The following DMPK variants were observed in gnomAD, a reference collection of about 807,000 sequenced individuals.
DMPK encodes the protein myotonin-protein kinase.
DMPK carries 32 observed loss-of-function variants against 70.3 expected under a neutral mutation model. The ratio of observed to expected loss-of-function variants is 0.46; its 90% confidence interval spans 0.34 to 0.61. DMPK has a LOEUF of 0.61. DMPK is among the 20% of genes least tolerant of loss of function. The probability of loss-of-function intolerance (pLI) is 0.01; values close to 1 mark genes in which losing one functional copy is unlikely to be tolerated. For synonymous variants in DMPK, 469 were observed against 390.9 expected (o/e 1.20, Z -2.36); for missense variants, 899 against 886.0 (o/e 1.01, Z -0.19).
At chr19:45,778,959 T>C (rs1969946404) in intron 4 of DMPK, 1 of 574,040 alleles carries the variant, frequency 1.7e-6, no homozygotes, top group South Asian at 2.1e-5. Context: ...ACTCCTTCCC[T>C]AGGCAGTGGC....
chr19:45,775,072 G>A, intron 8 of DMPK, 38 bp from the exon 9 acceptor site: 1 of 1,549,854 alleles, frequency 6.5e-7, no homozygotes, highest in Non-Finnish European at 8.9e-7. Flanking sequence ...CAGTCGTCAG[G>A]GCGGGCCCCT....
At chr19:45,776,212 C>T (rs1318534077) in intron 8 of DMPK, among the ~76,000 whole-genome samples, 2 of 83,964 alleles carry the variant, frequency 2.4e-5, no homozygotes, top group African/African-American at 8.4e-5. Flanking sequence ...GGCACGATCT[C>T]GGCTCACTGC....
rs1405814711 is a variant in DMPK, at chr19:45,778,544, G to A, written c.530C>T (p.Ala177Val). The A allele has an allele frequency of 9.3e-6, 15 of 1,613,854 alleles. No individual in the cohort carries two copies. Among genetic ancestry groups the A allele is most frequent in the East Asian group, 2.2e-5 (1 of 44,892 alleles). ...IPAEMARFYL[A>V]EIVMAIDSVH... ...CGAGTCTATGGCCATGACAATCTCC[G>A]CCAGGTAGAAGCGCGCCATCTCGGC... The change falls in exon 5 of 15, where the codon GCG becomes GTG. Residue 177 changes from alanine (A) to valine (V), a missense_variant. Transcript: ENST00000291270.
intron 4 of DMPK, 79 bp downstream of exon 4, chr19:45,779,185 G>A: frequency 6.9e-7 from 1 of 1,455,356 alleles, no homozygotes; most frequent in Non-Finnish European, 9.6e-7. Context: ...CAATCCTAGA[G>A]CTTCCTCTCC....
In DMPK at chr19:45,782,215, G is replaced by A. The variant is rs773427732; in HGVS notation, c.138C>T (p.Tyr46=). 21 of 1,378,884 alleles carry A rather than the reference G, an allele frequency of 1.5e-5. No individual in the cohort carries two copies. Among genetic ancestry groups the A allele is most frequent in the East Asian group, 8.2e-5 (2 of 24,434 alleles). 85.4% of individuals were successfully genotyped at this position (1,378,884 alleles called of 1,614,324 possible). Residue 46 remains tyrosine (Y), a synonymous_variant, in exon 1 of 15, where the codon TAC becomes TAT. Transcript: ENST00000291270. ...CACCCCACTGCAAGAAGTCGGCCAC[G>A]TACTTGTCCTGGGCCAGTTCGGAGG... ...LGASELAQDK[Y]VADFLQWAEP...
intron 2 of DMPK, 40 bp downstream of exon 2, chr19:45,779,738 C>T (rs778926101): frequency 9.1e-6 from 14 of 1,535,956 alleles, no homozygotes; most frequent in Non-Finnish European, 1.2e-5. Context: ...ATGCCCCGCC[C>T]ACCACGAGTC....
chr19:45,782,248 C>G lies in DMPK; in HGVS notation c.105G>C (p.Glu35Asp), dbSNP rs1254205009. The change falls in exon 1 of 15, where the codon GAG becomes GAC. Residue 35 changes from glutamate (E) to aspartate (D), a missense_variant. By Grantham distance (45) the Glu-to-Asp change is conservative. This residue lies in a region of DMPK where 149 missense variants were observed against 142.5 expected (regional missense o/e 1.05). Coordinates refer to ENST00000291270, the MANE Select transcript of DMPK (RefSeq NM_004409.5). ...LLDLLLGVHQ[E>D]LGASELAQDK... is the part of the protein sequence containing the mutation. ...CCTGGGCCAGTTCGGAGGCGCCCAGCTCCTGGTGGACGCCCAGGAGAAGGT... is the reference window on the plus strand; with the variant it reads ...CCTGGGCCAGTTCGGAGGCGCCCAGGTCCTGGTGGACGCCCAGGAGAAGGT... 6.2e-7 allele frequency: 1 copy of G among 1,610,392 alleles called. No individual in the cohort carries two copies. Among genetic ancestry groups the G allele is most frequent in the African/African-American group, 1.3e-5 (1 of 74,860 alleles).
At chr19:45,772,805 G>A in intron 9 of DMPK, 53 bp from the exon 10 acceptor site, 5 of 1,063,994 alleles carry the variant, frequency 4.7e-6, no homozygotes, top group Non-Finnish European at 6.4e-6. Context: ...ATTCTCTGGT[G>A]GAGAACCAGA....
chr19:45,782,103 T>TA, intron 1 of DMPK, 90 bp downstream of exon 1: 1 of 835,496 alleles, frequency 1.2e-6, no homozygotes, highest in Non-Finnish European at 1.7e-6. Context: ...CCTGCCATCC[T>TA]GCCCCCCCAA....
intron 14 of DMPK, 51 bp downstream of exon 14, chr19:45,770,920 G>A (rs1336876566): frequency 6.2e-6 from 8 of 1,294,866 alleles, no homozygotes; most frequent in Non-Finnish European, 8.1e-6. Context: ...GCAAGGGGCG[G>A]GTGGAGCGCG....
intron 12 of DMPK, 62 bp from the exon 13 acceptor site, chr19:45,771,458 G>A (rs2146224333): frequency 6.8e-6 from 11 of 1,609,090 alleles, no homozygotes; most frequent in South Asian, 2.2e-5. Context: ...GTGGCGCGGC[G>A]TGCCCCAGCG....
At position 45,777,490 on chromosome 19, in the gene DMPK, C is replaced by T. The variant is rs750614096; in HGVS notation, c.983G>A (p.Gly328Asp). ...LCPPETRLGRGGAGDFRTHPF... is the reference protein window; with the variant it reads ...LCPPETRLGRDGAGDFRTHPF... ...ATGTGTCCGGAAGTCGCCTGCTCCA[C>T]CCCGGCCCAGCCGTGTCTCCGGGGG... The change falls in exon 8 of 15, where the codon GGT (glycine) becomes GAT (aspartate). Residue 328 changes from glycine to aspartate, a missense_variant. Gly to Asp is a moderately conservative substitution (Grantham distance 94, BLOSUM62 -1). This residue lies in a region of DMPK where 555 missense variants were observed against 483.8 expected (regional missense o/e 1.15). Coordinates refer to ENST00000291270, the MANE Select transcript of DMPK (RefSeq NM_004409.5). This position sits in a 1 kb window ranked among gnomAD's most constrained non-coding sequence, Gnocchi z 6.7. 9.3e-6 allele frequency: 15 copies of T among 1,613,506 alleles called. No homozygotes were observed. The South Asian group carries it at 1.6e-4, about 18-fold the overall frequency.
At position 45,782,241 on chromosome 19, in the gene DMPK, C is replaced by CGCCCAGCTCCTGG. The variant is rs777189457; in HGVS notation, c.99_111dup (p.Ala38ProfsTer29). 1 of 1,609,218 alleles carries CGCCCAGCTCCTGG rather than the reference C, an allele frequency of 6.2e-7. No individual in the cohort carries two copies. Among genetic ancestry groups the CGCCCAGCTCCTGG allele is most frequent in the East Asian group, 2.2e-5 (1 of 44,588 alleles). ...TACTTGTCCTGGGCCAGTTCGGAGG[C>CGCCCAGCTCCTGG]GCCCAGCTCCTGGTGGACGCCCAGG... On this transcript the variant is annotated frameshift_variant, in exon 1 of 15. Transcript: ENST00000291270. LOFTEE classifies it high-confidence loss of function.
intron 8 of DMPK, 29 bp from the exon 9 acceptor site, chr19:45,775,063 A>G: frequency 6.3e-7 from 1 of 1,592,650 alleles, no homozygotes; most frequent in Non-Finnish European, 8.6e-7. Flanking sequence ...TGTGAGCAGC[A>G]GTCGTCAGGG....
rs1314602872 is a variant in DMPK, at chr19:45,771,067, A to C, written c.1648-7T>G. On this transcript the variant is annotated splice_region_variant and splice_polypyrimidine_tract_variant and intron_variant, in intron 13 of 14. Transcript: ENST00000291270. Reference sequence around the variant, plus strand: ...CGGCCGGGGGGCCATCTAGCTGGAGAGAGAAGGGACAGGTGACCCGATCGG... The same window carrying C: ...CGGCCGGGGGGCCATCTAGCTGGAGCGAGAAGGGACAGGTGACCCGATCGG... 6.6e-7 allele frequency: 1 copy of C among 1,524,496 alleles called. No individual in the cohort carries two copies. The highest frequency in any genetic ancestry group is 8.8e-7 in the Non-Finnish European group (1 of 1,136,714). The allele number at this position is 1,524,496 out of a possible 1,614,324, so 94.4% of individuals were successfully genotyped here.
chr19:45,772,779 G>A (rs1969546144), intron 9 of DMPK, 27 bp from the exon 10 acceptor site: 22 of 1,341,222 alleles, frequency 1.6e-5, no homozygotes, highest in Non-Finnish European at 2.2e-5. Flanking sequence ...GGAGTGGGGA[G>A]GGAGACAGAA....
In DMPK at chr19:45,771,070, G is replaced by A; in HGVS notation, c.1648-10C>T. 2.0e-6 allele frequency: 3 copies of A among 1,526,470 alleles called. No homozygotes were observed. Among genetic ancestry groups the A allele is most frequent in the South Asian group, 1.2e-5 (1 of 81,952 alleles). The allele number at this position is 1,526,470 out of a possible 1,614,324, so 94.6% of individuals were successfully genotyped here. On this transcript the variant is annotated splice_polypyrimidine_tract_variant and intron_variant, in intron 13 of 14. Coordinates refer to ENST00000291270, the MANE Select transcript of DMPK (RefSeq NM_004409.5). ...CCGGGGGGCCATCTAGCTGGAGAGA[G>A]AAGGGACAGGTGACCCGATCGGAGC... is the stretch of plus-strand genomic sequence containing the variant.
At chr19:45,775,112 C>T (rs529523895) in intron 8 of DMPK, 78 bp from the exon 9 acceptor site, 2 of 1,145,628 alleles carry the variant, frequency 1.7e-6, no homozygotes, top group Admixed American at 2.0e-5. Flanking sequence ...CTTACATGTT[C>T]CCCCCAAACC....
chr19:45,774,407 G>A (rs930066242), intron 9 of DMPK, among the ~76,000 whole-genome samples: 6 of 151,732 alleles, frequency 4.0e-5, no homozygotes, highest in Non-Finnish European at 5.9e-5. Flanking sequence ...GACCGCAAGC[G>A]CCCGCCACCA....
Sources: gnomAD v4.1 joint callset for allele counts (sites outside exome capture counted in the v4.1 genomes callset) on GRCh38, gnomAD v4.1.1 for gene constraint, gnomAD v4.1.1 regional missense constraint, Gnocchi (gnomAD v3.1) non-coding constraint, MANE v1.5 for transcripts, NCBI Gene and HGNC (gene_info 2026-07-23, HGNC 2026-07-21) for gene names.